Variants in TRIM2 observed in about 807,000 individuals in gnomAD.
The protein encoded by TRIM2 is tripartite motif containing 2.
TRIM2 carries 20 observed loss-of-function variants against 75.2 expected under a neutral mutation model. The ratio of observed to expected loss-of-function variants is 0.27; its 90% CI spans 0.19 to 0.39. The LOEUF (loss-of-function observed/expected upper bound fraction) is 0.39. Among genes scored for constraint, TRIM2 ranks in the 10% least tolerant of loss-of-function variants. The pLI is 1.00. For missense variants in TRIM2, 660 were observed against 990.8 expected, an observed-to-expected ratio of 0.67 and a Z score of 4.48; for synonymous variants, 373 against 388.3, an observed-to-expected ratio of 0.96 and a Z score of 0.46.
chr4:153,160,220 T>C (rs1729613902), intron 1 of TRIM2, among the ~76,000 whole-genome samples: 1 of 152,232 alleles, frequency 6.6e-6, no homozygotes, highest in Non-Finnish European at 1.5e-5. Flanking sequence ...TTCCCTTAAG[T>C]TAGTCTTTGT....
intron 3 of TRIM2, among the ~76,000 whole-genome samples, chr4:153,289,334 A>G (rs1028676566): frequency 5.3e-5 from 8 of 152,084 alleles, no homozygotes; most frequent in Non-Finnish European, 1.0e-4. Flanking sequence ...CTAATTTTGT[A>G]AAGTTTGTAT....
chr4:153,266,684 C>A, intron 1 of TRIM2, among the ~76,000 whole-genome samples: 1 of 145,250 alleles, frequency 6.9e-6, no homozygotes, highest in African/African-American at 2.6e-5. Context: ...TGGGGATTCA[C>A]CATGTTGCCC....
chr4:153,263,336 A>G (rs538378546), intron 1 of TRIM2, among the ~76,000 whole-genome samples: 1 of 150,240 alleles, frequency 6.7e-6, no homozygotes, highest in East Asian at 1.9e-4. Flanking sequence ...CTCAAAAAGA[A>G]AAAAAAAAAG....
chr4:153,331,425 T>C (rs1771462353), intron 11 of TRIM2, among the ~76,000 whole-genome samples: 1 of 152,306 alleles, frequency 6.6e-6, no homozygotes, highest in East Asian at 1.9e-4. Context: ...AAAAAATATA[T>C]ACTTAGATAT....
chr4:153,270,583 G>T, intron 2 of TRIM2, 64 bp downstream of exon 2: 1 of 1,391,096 alleles, frequency 7.2e-7, no homozygotes, highest in South Asian at 1.6e-5. Flanking sequence ...CCTACTGCAG[G>T]ATTCTTTCCC....
intron 2 of TRIM2, among the ~76,000 whole-genome samples, chr4:153,272,037 A>G (rs1756813096): frequency 6.6e-6 from 1 of 152,122 alleles, no homozygotes; most frequent in Non-Finnish European, 1.5e-5. Context: ...TCCCCACCCA[A>G]TAGCTGGTGG....
chr4:153,164,919 T>G (rs973711413), intron 1 of TRIM2, among the ~76,000 whole-genome samples: 4 of 152,204 alleles, frequency 2.6e-5, no homozygotes, highest in Admixed American at 2.6e-4. Context: ...GATTTTTTTT[T>G]GTTTTGTTTT....
At chr4:153,179,092 G>C (rs1731776250) in intron 1 of TRIM2, among the ~76,000 whole-genome samples, 1 of 152,076 alleles carries the variant, frequency 6.6e-6, no homozygotes, top group Non-Finnish European at 1.5e-5. Context: ...TTGGGAGACT[G>C]AGGCTGGTGA....
At chr4:153,194,767 T>C (rs1400814848) in intron 1 of TRIM2, among the ~76,000 whole-genome samples, 3 of 152,230 alleles carry the variant, frequency 2.0e-5, no homozygotes, top group African/African-American at 7.2e-5. Flanking sequence ...TCTCCTAAGA[T>C]TTGATAAATA....
intron 8 of TRIM2, among the ~76,000 whole-genome samples, chr4:153,318,224 T>A (rs1768129986): frequency 6.6e-6 from 1 of 152,210 alleles, no homozygotes; most frequent in African/African-American, 2.4e-5. Flanking sequence ...ACTCAAAGTG[T>A]ACTTATTGGT....
At chr4:153,316,101 A>G (rs940483072) in intron 8 of TRIM2, 102 bp downstream of exon 8, 1 of 1,105,354 alleles carries the variant, frequency 9.0e-7, no homozygotes, top group East Asian at 2.7e-5. Context: ...GCAACATTCA[A>G]CAATTCTTCA....
chr4:153,254,781 T>C (rs1032995768), intron 1 of TRIM2, among the ~76,000 whole-genome samples: 1 of 152,224 alleles, frequency 6.6e-6, no homozygotes, highest in African/African-American at 2.4e-5. Flanking sequence ...CCAAAACCCA[T>C]TTAACCCATA....
chr4:153,305,653 A>G (rs966549429), intron 6 of TRIM2, among the ~76,000 whole-genome samples: 4 of 152,252 alleles, frequency 2.6e-5, no homozygotes, highest in African/African-American at 9.6e-5. Flanking sequence ...AAAAGAGACC[A>G]CAAGAACAAG....
Position 153,338,343 on chromosome 4 carries a change from C to T in TRIM2, c.*3377C>T. ...AAATCTTTTTGTAGACTCTATAGTA[C>T]CCTCTCTATTCACTAGCTTCTGAAA... On this transcript the variant is annotated 3_prime_UTR_variant, in exon 12 of 12. Coordinates refer to ENST00000338700, the MANE Select transcript of TRIM2 (RefSeq NM_015271.5). 1 of 985,682 alleles carries T rather than the reference C, an allele frequency of 1.0e-6. No homozygotes were observed. The highest frequency in any genetic ancestry group is 1.7e-5 in the African/African-American group (1 of 57,316). The allele number at this position is 985,682 out of a possible 1,614,324, so 61.1% of individuals were successfully genotyped here. A position where few individuals can be genotyped will look rare whatever the true frequency, so the allele number is the denominator to read the frequency against.
intron 1 of TRIM2, among the ~76,000 whole-genome samples, chr4:153,214,062 A>G (rs1737808794): frequency 1.3e-5 from 2 of 152,318 alleles, no homozygotes; most frequent in Admixed American, 6.5e-5. Flanking sequence ...TAGTGTCTAG[A>G]CAATATCTGT....
rs1579663273 is a variant in TRIM2 at position 153,217,184 on chromosome 4, G to C, written c.30+12624G>C. Reference sequence around the variant, plus strand: ...GGGGTTTCTGCTAATTGAATTATGGGACCCTAGACATAAAGAAGACATAAA... The same window carrying C: ...GGGGTTTCTGCTAATTGAATTATGGCACCCTAGACATAAAGAAGACATAAA... On this transcript the variant is annotated intron_variant, in intron 1 of 11. Transcript: ENST00000338700. 2.0e-5 allele frequency among the ~76,000 whole-genome samples: 3 copies of C among 152,118 alleles called. No homozygotes were observed. The Middle Eastern group carries it at 0.01, about 517-fold the overall frequency.
At chr4:153,260,746 G>GATC (rs148593406) in intron 1 of TRIM2, among the ~76,000 whole-genome samples, 11,595 of 117,748 alleles carry the variant, frequency 0.098, 688 homozygotes, top group Middle Eastern at 0.18. Flanking sequence ...TCATCATCAT[G>GATC]ATCATCATCA....
rs763610177 is a variant in TRIM2 at position 153,295,411 on chromosome 4, C to T, written c.885C>T (p.Thr295=). 9 of 1,613,978 alleles carry T rather than the reference C, an allele frequency of 5.6e-6. No individual in the cohort carries two copies. The highest frequency in any genetic ancestry group is 4.5e-5 in the East Asian group (2 of 44,888). ...TAQALNHGTE[T]EVLLVKKQMS... ...AGGCCCTCAACCATGGCACGGAGACCGAGGTCCTACTGGTGAAGAAGCAGA... is the reference window on the plus strand; with the variant it reads ...AGGCCCTCAACCATGGCACGGAGACTGAGGTCCTACTGGTGAAGAAGCAGA... The change falls in exon 6 of 12, where the codon ACC becomes ACT. Residue 295 remains threonine, a synonymous_variant. Transcript: ENST00000338700. This position sits in a 1 kb window ranked among gnomAD's most constrained non-coding sequence, Gnocchi z 7.2.
At chr4:153,305,859 C>T (rs991610963) in intron 6 of TRIM2, among the ~76,000 whole-genome samples, 2 of 152,140 alleles carry the variant, frequency 1.3e-5, no homozygotes, top group African/African-American at 2.4e-5. Flanking sequence ...TAGCAGAGAT[C>T]AAAAGTTTAA....
Sources: gnomAD v4.1 joint callset for allele counts (sites outside exome capture counted in the v4.1 genomes callset) on GRCh38, gnomAD v4.1.1 for gene constraint, Gnocchi (gnomAD v3.1) non-coding constraint, MANE v1.5 for transcripts, NCBI Gene and HGNC (gene_info 2026-07-23, HGNC 2026-07-21) for gene names.